FAM111A: variants seen among roughly 807,000 people sequenced by gnomAD.
FAM111A encodes the protein serine protease FAM111A.
In FAM111A, 8 loss-of-function variants were observed where a neutral mutation model predicts 3.3. The ratio of observed to expected loss-of-function variants is 2.39; its 90% CI spans 1.40 to 4.32. The LOEUF (loss-of-function observed/expected upper bound fraction) is 4.32, where lower values mean the gene tolerates loss of function less well. FAM111A is among the 30% of genes most tolerant of loss of function. The pLI, the probability that FAM111A is intolerant of heterozygous loss-of-function variation, is 0.00. For synonymous variants in FAM111A, 227 were observed against 243.1 expected (o/e 0.93, Z 0.62); for missense variants, 683 against 727.6 (o/e 0.94, Z 0.71).
Position 59,152,627 on chromosome 11 carries a change from T to TA in FAM111A, c.965dup (p.Asn322LysfsTer7), listed in dbSNP as rs771628793. 1 of 1,613,300 alleles carries TA rather than the reference T, an allele frequency of 6.2e-7. No individual in the cohort carries two copies. The highest frequency in any genetic ancestry group is 1.1e-5 in the South Asian group (1 of 90,838). ...GAAAACTTCAAGAAAAAAATGAAAGTAAAAAATGGGGAAACATTATTTGAA... is the reference window on the plus strand; with the variant it reads ...GAAAACTTCAAGAAAAAAATGAAAGTAAAAAAATGGGGAAACATTATTTGAA... On this transcript the variant is annotated frameshift_variant, in exon 6 of 6. Transcript: ENST00000675163. LOFTEE classifies it low-confidence loss of function (END_TRUNC).
In FAM111A at chr11:59,154,630, C is replaced by T. The variant is rs1260541590; in HGVS notation, c.*1126C>T. 6.6e-6 allele frequency: 1 copy of T among 152,192 alleles called. No individual in the cohort carries two copies. The highest frequency in any genetic ancestry group is 2.4e-5 in the African/African-American group (1 of 41,448). 9.4% of individuals were successfully genotyped at this position (152,192 alleles called of 1,614,324 possible). On this transcript the variant is annotated 3_prime_UTR_variant, in exon 6 of 6. Coordinates refer to ENST00000675163, the MANE Select transcript of FAM111A (RefSeq NM_001312909.2). ...CTAAAGCCATACAATATCAAGCACC[C>T]TCCCTCTAGGTCCAGGGACTATCAC...
chr11:59,151,978 T>G lies in FAM111A; in HGVS notation c.310T>G (p.Leu104Val). 1 of 1,614,164 alleles carries G rather than the reference T, an allele frequency of 6.2e-7. No individual in the cohort carries two copies. The highest frequency in any genetic ancestry group is 8.5e-7 in the Non-Finnish European group (1 of 1,180,032). Reference sequence around the variant, plus strand: ...GCTCACACATAGTGAGAATAGTAGCTTATATATGGCTCTCAACACTCTCCA... The same window carrying G: ...GCTCACACATAGTGAGAATAGTAGCGTATATATGGCTCTCAACACTCTCCA... ...LKLTHSENSS[L>V]YMALNTLQAV... The change falls in exon 6 of 6, where the codon TTA becomes GTA. Residue 104 changes from leucine to valine, a missense_variant. Transcript: ENST00000675163.
At chr11:59,148,769 A>T (rs1340788008) in intron 4 of FAM111A, 28 bp from the exon 5 acceptor site, 2 of 785,182 alleles carry the variant, frequency 2.5e-6, no homozygotes, top group African/African-American at 1.7e-5. Context: ...ACACCAGCTA[A>T]TCTTTTCCTC....
Position 59,154,462 on chromosome 11 carries a change from A to G in FAM111A, c.*958A>G, listed in dbSNP as rs189267124. On this transcript the variant is annotated 3_prime_UTR_variant, in exon 6 of 6. Transcript: ENST00000675163. ...CTTTATTTAGATTTCTACTACTCCA[A>G]TTATTAATGTTATGTATTTCTCATT... 1 of 152,274 alleles carries G rather than the reference A, an allele frequency of 6.6e-6. No individual in the cohort carries two copies. Among genetic ancestry groups the G allele is most frequent in the East Asian group, 1.9e-4 (1 of 5,188 alleles). The allele number at this position is 152,274 out of a possible 1,614,324, so 9.4% of individuals were successfully genotyped here. A position where few individuals can be genotyped will look rare whatever the true frequency, so the allele number is the denominator to read the frequency against.
In FAM111A at chr11:59,153,719, TGAGAC is replaced by T; in HGVS notation, c.*216_*220del. The T allele has an allele frequency of 2.5e-6, 1 of 395,492 alleles. No homozygotes were observed. The highest frequency in any genetic ancestry group is 4.7e-5 in the East Asian group (1 of 21,410). 24.5% of individuals were successfully genotyped at this position (395,492 alleles called of 1,614,324 possible). On this transcript the variant is annotated 3_prime_UTR_variant, in exon 6 of 6. Transcript: ENST00000675163. ...CTTGCCCAAATTTTTTTTTTTTTTTTGAGACTGAGTCTCACTCTGTCGCCTGGGCT... is the reference window on the plus strand; with the variant it reads ...CTTGCCCAAATTTTTTTTTTTTTTTTTGAGTCTCACTCTGTCGCCTGGGCT...
At position 59,148,935 on chromosome 11, in the gene FAM111A, C is replaced by A. The variant is rs147786828; in HGVS notation, c.63C>A (p.Ile21=). ...TCAATGAAAAATGTAATATGAAAAT[C>A]GAGCACTATTTTTCTCCGGTATGTC... ...HSVNEKCNMK[I]EHYFSPVSKE... is the part of the protein sequence containing the mutation. The change falls in exon 5 of 6, where the codon ATC becomes ATA. Residue 21 remains isoleucine (I), a synonymous_variant. Transcript: ENST00000675163. 6.5e-5 allele frequency: 105 copies of A among 1,612,608 alleles called. No homozygotes were observed. Among genetic ancestry groups the A allele is most frequent in the Non-Finnish European group, 8.7e-5 (102 of 1,178,868 alleles).
Position 59,152,349 on chromosome 11 carries a change from G to T in FAM111A, c.681G>T (p.Lys227Asn), listed in dbSNP as rs771703306. The change falls in exon 6 of 6, where the codon AAG becomes AAT. Residue 227 changes from lysine (K) to asparagine (N), a missense_variant. Around this residue, in one of 3 missense-constraint regions of FAM111A, gnomAD observed 557 missense variants for 600.2 expected, o/e 0.93. Transcript: ENST00000675163. The part of the protein sequence containing the change: ...KGETIKDALC[K>N]DGRFLSFLEN... ...AAACCATCAAGGATGCACTGTGCAAGGATGGCAGATTTCTTTCCTTTCTGG... is the reference window on the plus strand; with the variant it reads ...AAACCATCAAGGATGCACTGTGCAATGATGGCAGATTTCTTTCCTTTCTGG... 1.9e-6 allele frequency: 3 copies of T among 1,614,192 alleles called. No homozygotes were observed. The highest frequency in any genetic ancestry group is 2.5e-6 in the Non-Finnish European group (3 of 1,180,020).
intron 4 of FAM111A, among the ~76,000 whole-genome samples, chr11:59,146,316 TC>T (rs1487741882): frequency 6.6e-6 from 1 of 152,180 alleles, no homozygotes; most frequent in Non-Finnish European, 1.5e-5. Flanking sequence ...ACTCCTGACT[TC>T]AAGTGATCCA....
intron 1 of FAM111A, 38 bp downstream of exon 1, chr11:59,142,984 G>C (rs1860347460): frequency 6.6e-6 from 1 of 152,156 alleles, no homozygotes; most frequent in Non-Finnish European, 1.5e-5. Flanking sequence ...GTGAGACAGG[G>C]TCCTGCTCGC....
In FAM111A at chr11:59,152,703, A is replaced by C. The variant is rs1015901939; in HGVS notation, c.1035A>C (p.Lys345Asn). 1.9e-6 allele frequency: 3 copies of C among 1,613,772 alleles called. No individual in the cohort carries two copies. Among genetic ancestry groups the C allele is most frequent in the Non-Finnish European group, 2.5e-6 (3 of 1,180,046 alleles). ...TAACAAAAAATTCTTCTTCGATTAA[A>C]GTAGTGAAACTTCTTGTACGTCTCA... ...GKVTKNSSSI[K>N]VVKLLVRLSD... is the part of the protein sequence containing the mutation. Residue 345 changes from lysine (K) to asparagine (N), a missense_variant, in exon 6 of 6, where the codon AAA becomes AAC. Coordinates refer to ENST00000675163, the MANE Select transcript of FAM111A (RefSeq NM_001312909.2).
intron 4 of FAM111A, 107 bp downstream of exon 4, chr11:59,145,963 C>CTATA (rs1444173015): frequency 4.1e-5 from 6 of 146,160 alleles, no homozygotes; most frequent in African/African-American, 1.5e-4. Context: ...TATGCTCTCT[C>CTATA]TCTCTCTCTA....
rs149259997 is a variant in FAM111A at position 59,149,093 on chromosome 11, G to A, written c.81+140G>A. 259 of 643,908 alleles carry A rather than the reference G, an allele frequency of 4.0e-4. 1 individual carries two copies. The highest frequency in any genetic ancestry group is 3.9e-3 in the African/African-American group (217 of 55,150). The allele number at this position is 643,908 out of a possible 1,614,324, so 39.9% of individuals were successfully genotyped here. A position where few individuals can be genotyped will look rare whatever the true frequency, so the allele number is the denominator to read the frequency against. Reference sequence around the variant, plus strand: ...ACATGGCATAGTATTGGCATATAATGTATCATATCCTCCTGTATACTTTAA... The same window carrying A: ...ACATGGCATAGTATTGGCATATAATATATCATATCCTCCTGTATACTTTAA... On this transcript the variant is annotated intron_variant, in intron 5 of 5. Transcript: ENST00000675163.
chr11:59,149,855 G>A (rs952080943), intron 5 of FAM111A, among the ~76,000 whole-genome samples: 3 of 151,976 alleles, frequency 2.0e-5, no homozygotes, highest in Admixed American at 2.0e-4. Context: ...CATGTAGTTG[G>A]GCCTTTTTCT....
Position 59,154,942 on chromosome 11 carries a change from TA to T in FAM111A, c.*1441del, listed in dbSNP as rs937993272. 7.8e-4 allele frequency: 119 copies of T among 152,900 alleles called. No homozygotes were observed. The highest frequency in any genetic ancestry group is 2.8e-3 in the African/African-American group (117 of 41,586). The allele number at this position is 152,900 out of a possible 1,614,324, so 9.5% of individuals were successfully genotyped here. A position where few individuals can be genotyped will look rare whatever the true frequency, so the allele number is the denominator to read the frequency against. On this transcript the variant is annotated 3_prime_UTR_variant, in exon 6 of 6. Coordinates refer to ENST00000675163, the MANE Select transcript of FAM111A (RefSeq NM_001312909.2). Reference sequence around the variant, plus strand: ...CGTTTTGCCAAAAATGCTTGTTATATAAAGGGTACTTTTGGGAGGGTGAGTG... The same window carrying T: ...CGTTTTGCCAAAAATGCTTGTTATATAAGGGTACTTTTGGGAGGGTGAGTG...
chr11:59,152,049 T>A lies in FAM111A; in HGVS notation c.381T>A (p.Leu127=). The A allele has an allele frequency of 1.9e-6, 3 of 1,614,220 alleles. No homozygotes were observed. Among genetic ancestry groups the A allele is most frequent in the Non-Finnish European group, 2.5e-6 (3 of 1,180,040 alleles). ...EIETHQGQEM[L]VRGTEGIKEY... ...AAACTCACCAAGGCCAAGAAATGCTTGTGCGTGGCACAGAAGGAATCAAAG... is the reference window on the plus strand; with the variant it reads ...AAACTCACCAAGGCCAAGAAATGCTAGTGCGTGGCACAGAAGGAATCAAAG... Residue 127 remains leucine (L), a synonymous_variant, in exon 6 of 6, where the codon CTT becomes CTA. Transcript: ENST00000675163.
chr11:59,148,675 G>A (rs1015985929), intron 4 of FAM111A, 122 bp from the exon 5 acceptor site: 1 of 536,540 alleles, frequency 1.9e-6, no homozygotes, highest in East Asian at 3.0e-5. Flanking sequence ...GGTGATTATA[G>A]TTGGTGAATA....
chr11:59,145,282 AG>A (rs1679609324), intron 3 of FAM111A: 2 of 151,570 alleles, frequency 1.3e-5, no homozygotes, highest in Non-Finnish European at 2.9e-5. Flanking sequence ...AGAGGCAGAG[AG>A]GGGGAAGGAG....
Position 59,153,303 on chromosome 11 carries a change from G to A in FAM111A, c.1635G>A (p.Val545=), listed in dbSNP as rs200613755. Residue 545 remains valine (V), a synonymous_variant, in exon 6 of 6, where the codon GTG becomes GTA. Coordinates refer to ENST00000675163, the MANE Select transcript of FAM111A (RefSeq NM_001312909.2). ...EFFFGASGSP[V]FDSKGSLVAM... is the part of the protein sequence containing the mutation. ...TCTTTGGGGCTTCCGGCTCCCCTGT[G>A]TTTGATTCAAAAGGTTCATTGGTGG... The A allele has an allele frequency of 2.0e-5, 33 of 1,614,168 alleles. No homozygotes were observed. In the East Asian group the frequency reaches 6.9e-4, roughly 34 times the overall value.
chr11:59,151,769 A>G lies in FAM111A; in HGVS notation c.101A>G (p.Asn34Ser). ...YFSPVSKEQQ[N>S]NCSTSLMRME... ...TTTTAGGTCTCTAAAGAGCAACAGA[A>G]TAATTGCAGTACTTCTCTAATGAGG... The change falls in exon 6 of 6, where the codon AAT becomes AGT. Residue 34 changes from asparagine to serine, a missense_variant. Transcript: ENST00000675163. 6.3e-7 allele frequency: 1 copy of G among 1,589,768 alleles called. No individual in the cohort carries two copies. Among genetic ancestry groups the G allele is most frequent in the South Asian group, 1.2e-5 (1 of 86,214 alleles).
Sources: gnomAD v4.1 joint callset for allele counts (sites outside exome capture counted in the v4.1 genomes callset) on GRCh38, gnomAD v4.1.1 for gene constraint, gnomAD v4.1.1 regional missense constraint, MANE v1.5 for transcripts, NCBI Gene and HGNC (gene_info 2026-07-23, HGNC 2026-07-21) for gene names.